The following VIRMA variants were observed in gnomAD, a reference collection of about 807,000 sequenced individuals.
The protein encoded by VIRMA is protein virilizer homolog.
In VIRMA, 65 loss-of-function variants were observed where a neutral mutation model predicts 182.4. That is an observed-to-expected ratio of 0.36 (90% CI 0.29 to 0.44). VIRMA has a LOEUF of 0.44. Among genes scored for constraint, VIRMA ranks in the 20% least tolerant of loss-of-function variants. The pLI is 1.00. For missense variants in VIRMA, 1,752 were observed against 2,158.1 expected (o/e 0.81, Z 3.73); for synonymous variants, 709 against 743.1 (o/e 0.95, Z 0.75).
Position 94,553,433 on chromosome 8 carries a change from C to A in VIRMA, c.15G>T (p.Ser5=), listed in dbSNP as rs765461213. The A allele has an allele frequency of 1.4e-5, 23 of 1,614,216 alleles. No homozygotes were observed. Among genetic ancestry groups the A allele is most frequent in the Non-Finnish European group, 1.9e-5 (23 of 1,180,042 alleles). ...TATCTAAAAATAACAGCTCCATCGC[C>A]GAGTCCACCGCCATGTTTGCCGCGG... MAVD[S]AMELLFLDTF... The change falls in exon 1 of 24, where the codon TCG becomes TCT. Residue 5 remains serine, a synonymous_variant. Transcript: ENST00000297591.
At chr8:94,506,414 T>C (rs1431365139) in intron 16 of VIRMA, 86 bp downstream of exon 16, 5 of 803,252 alleles carry the variant, frequency 6.2e-6, no homozygotes, top group Non-Finnish European at 9.7e-6. Flanking sequence ...CTTTCTACAA[T>C]AGGTATGAAT....
chr8:94,492,358 A>T (rs1183237716), intron 21 of VIRMA, among the ~76,000 whole-genome samples: 1 of 149,860 alleles, frequency 6.7e-6, no homozygotes, highest in Non-Finnish European at 1.5e-5. Flanking sequence ...ATCTCGGCTC[A>T]ATGCAATCTC....
Position 94,512,101 on chromosome 8 carries a change from A to G in VIRMA, c.2752-12T>C. On this transcript the variant is annotated splice_polypyrimidine_tract_variant and intron_variant, in intron 11 of 23. Transcript: ENST00000297591. ...AAGTTATCGATATTCTTTAAAAATGAAAATGAACAGAATATTTCGTTTCTT... is the reference window on the plus strand; with the variant it reads ...AAGTTATCGATATTCTTTAAAAATGGAAATGAACAGAATATTTCGTTTCTT... 2 of 1,395,870 alleles carry G rather than the reference A, an allele frequency of 1.4e-6. No individual in the cohort carries two copies. Among genetic ancestry groups the G allele is most frequent in the Non-Finnish European group, 1.9e-6 (2 of 1,051,122 alleles). 86.5% of individuals were successfully genotyped at this position (1,395,870 alleles called of 1,614,324 possible). A position where few individuals can be genotyped will look rare whatever the true frequency, so the allele number is the denominator to read the frequency against.
chr8:94,499,552 G>C (rs768849704), intron 16 of VIRMA, 46 bp from the exon 17 acceptor site: 10 of 1,281,150 alleles, frequency 7.8e-6, no homozygotes, highest in Admixed American at 2.1e-5. Context: ...TAAAATATGA[G>C]CATATAAAAC....
At chr8:94,508,085 T>C (rs946896553) in intron 15 of VIRMA, among the ~76,000 whole-genome samples, 4 of 151,996 alleles carry the variant, frequency 2.6e-5, no homozygotes, top group African/African-American at 9.7e-5. Context: ...CTACTCTTTA[T>C]AGAAGTAAAC....
In VIRMA at chr8:94,550,096, TAAAA is replaced by T. The variant is rs79930556; in HGVS notation, c.63+3285_63+3288del. 2.3e-5 allele frequency among the ~76,000 whole-genome samples: 3 copies of T among 130,422 alleles called. No homozygotes were observed. The South Asian group carries it at 7.1e-4, about 31-fold the overall frequency. The allele number at this position is 130,422 out of a possible 152,430, so 85.6% of individuals were successfully genotyped here. On this transcript the variant is annotated intron_variant, in intron 1 of 23. Coordinates refer to ENST00000297591, the MANE Select transcript of VIRMA (RefSeq NM_015496.5). ...TGGGTGACAGAGCAAGACCTAGTCT[TAAAA>T]AAAAAAAAAAAAACTGATGGAAGGA...
At position 94,495,806 on chromosome 8, in the gene VIRMA, G is replaced by C. The variant is rs200621602; in HGVS notation, c.4469C>G (p.Pro1490Arg). The C allele has an allele frequency of 6.2e-7, 1 of 1,613,806 alleles. No homozygotes were observed. The highest frequency in any genetic ancestry group is 1.7e-5 in the Admixed American group (1 of 60,016). The change falls in exon 19 of 24, where the codon CCT becomes CGT. Residue 1490 changes from proline to arginine, a missense_variant. By Grantham distance (103) the Pro-to-Arg change is moderately radical. Transcript: ENST00000297591. ...LKQMLESSGD[P>R]LPLSDQDVEP... ...TACATCCTGGTCACTGAGAGGTAAA[G>C]GGTCACCTGATGACTCCAGCATCTG...
At chr8:94,512,156 G>T in intron 11 of VIRMA, 67 bp from the exon 12 acceptor site, 1 of 641,888 alleles carries the variant, frequency 1.6e-6, no homozygotes, top group South Asian at 4.4e-5. Flanking sequence ...GAAAATTCCA[G>T]ACAAGGAATT....
chr8:94,502,644 G>A (rs1035901078), intron 16 of VIRMA, among the ~76,000 whole-genome samples: 1 of 152,038 alleles, frequency 6.6e-6, no homozygotes, highest in Admixed American at 6.6e-5. Context: ...CCCAGATCCT[G>A]GTTTCTAAAT....
At chr8:94,518,470 C>T (rs938204780) in intron 9 of VIRMA, among the ~76,000 whole-genome samples, 7 of 152,192 alleles carry the variant, frequency 4.6e-5, no homozygotes, top group African/African-American at 1.4e-4. Context: ...TATCTGGATG[C>T]CATTTGCCTT....
chr8:94,510,353 A>G, intron 14 of VIRMA, 64 bp downstream of exon 14: 1 of 1,334,056 alleles, frequency 7.5e-7, no homozygotes, highest in Non-Finnish European at 1.0e-6. Context: ...CCAAATTGTA[A>G]GGGAAAAAAT....
At chr8:94,537,017 C>A (rs1460709123) in intron 4 of VIRMA, 86 bp downstream of exon 4, 2 of 894,310 alleles carry the variant, frequency 2.2e-6, no homozygotes, top group South Asian at 1.4e-5. Flanking sequence ...TGACACTCTG[C>A]AACACTGATT....
chr8:94,505,340 T>C (rs1235052649), intron 16 of VIRMA, among the ~76,000 whole-genome samples: 1 of 152,158 alleles, frequency 6.6e-6, no homozygotes, highest in African/African-American at 2.4e-5. Flanking sequence ...TCCCATGTAG[T>C]TTAATAAATA....
chr8:94,533,633 T>TTTTTGG (rs1554558910), intron 5 of VIRMA: 14 of 144,066 alleles, frequency 9.7e-5, no homozygotes, highest in African/African-American at 3.5e-4. Context: ...TTTTTTTTTT[T>TTTTTGG]GGGAGGGGCA....
chr8:94,511,202 G>A lies in VIRMA; in HGVS notation c.3373C>T (p.Pro1125Ser), dbSNP rs1586079630. The part of the protein sequence containing the change: ...LLSELLPLPL[P>S]MQTTQVIEPH... ...AGTGATACCTGAGTTGTTTGCATGG[G>A]CAATGGAAGAGGCAGCAGCTCTGAA... is the stretch of plus-strand genomic sequence containing the variant. Residue 1125 changes from proline to serine, a missense_variant, in exon 13 of 24, where the codon CCC becomes TCC. Physicochemically the swap from Pro to Ser is moderately conservative, Grantham distance 74 (BLOSUM62 -1). Around this residue, in one of 11 missense-constraint regions of VIRMA, gnomAD observed 777 missense variants for 920.6 expected, o/e 0.84. Transcript: ENST00000297591. 1.2e-6 allele frequency: 2 copies of A among 1,613,964 alleles called. No individual in the cohort carries two copies. The highest frequency in any genetic ancestry group is 1.1e-5 in the South Asian group (1 of 91,048).
intron 17 of VIRMA, chr8:94,497,210 T>C (rs1439309114): frequency 6.6e-6 from 1 of 152,122 alleles, no homozygotes; most frequent in African/African-American, 2.4e-5. Flanking sequence ...AAGTGATCCT[T>C]GCATCTCATC....
intron 1 of VIRMA, among the ~76,000 whole-genome samples, chr8:94,551,703 A>G (rs1214781210): frequency 2.0e-5 from 3 of 152,182 alleles, no homozygotes; most frequent in Non-Finnish European, 4.4e-5. Flanking sequence ...AATTCATCAC[A>G]TGCCTCTTTC....
At chr8:94,531,613 T>C (rs1815178453) in intron 5 of VIRMA, among the ~76,000 whole-genome samples, 1 of 152,242 alleles carries the variant, frequency 6.6e-6, no homozygotes, top group South Asian at 2.1e-4. Context: ...AACAGAAATT[T>C]TGCTAATTAA....
chr8:94,539,931 A>C (rs1815482287), intron 2 of VIRMA, among the ~76,000 whole-genome samples: 1 of 152,150 alleles, frequency 6.6e-6, no homozygotes, highest in South Asian at 2.1e-4. Context: ...TTCCACCATG[A>C]GATGAAGCTG....
Sources: gnomAD v4.1 joint callset for allele counts (sites outside exome capture counted in the v4.1 genomes callset) on GRCh38, gnomAD v4.1.1 for gene constraint, gnomAD v4.1.1 regional missense constraint, MANE v1.5 for transcripts, NCBI Gene and HGNC (gene_info 2026-07-23, HGNC 2026-07-21) for gene names.